Variants in ITPR3 observed in about 807,000 individuals in gnomAD.
ITPR3 encodes inositol 1,4,5-trisphosphate-gated calcium channel ITPR3.
A neutral mutation model predicts 293.2 loss-of-function variants in ITPR3; 173 were observed. The ratio of observed to expected loss-of-function variants is 0.59; its 90% CI spans 0.52 to 0.67. The LOEUF (loss-of-function observed/expected upper bound fraction) is 0.67, where lower values mean the gene tolerates loss of function less well. ITPR3 is among the 30% of genes least tolerant of loss of function. ITPR3 has a pLI of 0.00. For missense variants in ITPR3, 2,796 were observed against 3,592.1 expected (o/e 0.78, Z 5.66); for synonymous variants, 1,295 against 1,444.4 (o/e 0.90, Z 2.35).
chr6:33,690,683 C>T (rs1765364691), intron 51 of ITPR3, among the ~76,000 whole-genome samples: 1 of 152,186 alleles, frequency 6.6e-6, no homozygotes, highest in African/African-American at 2.4e-5. Context: ...CGTTTCACCC[C>T]TCGTGCCTTC....
intron 18 of ITPR3, 114 bp downstream of exon 18, chr6:33,669,270 C>A: frequency 1.8e-6 from 2 of 1,095,980 alleles, no homozygotes; most frequent in Non-Finnish European, 1.3e-6. Context: ...GGGGCTCCTG[C>A]CTCCTCAGAA....
chr6:33,682,666 C>A lies in ITPR3; in HGVS notation c.4597+22C>A. The A allele has an allele frequency of 6.3e-7, 1 of 1,586,564 alleles. No individual in the cohort carries two copies. The highest frequency in any genetic ancestry group is 1.1e-5 in the South Asian group (1 of 87,184). Reference sequence around the variant, plus strand: ...GTGGGTGAGTGTGCCGGGGCACTGGCCAGCCCCAAACCACTCCTCCTGCCG... The same window carrying A: ...GTGGGTGAGTGTGCCGGGGCACTGGACAGCCCCAAACCACTCCTCCTGCCG... On this transcript the variant is annotated intron_variant, in intron 34 of 57. Transcript: ENST00000605930. This position sits in a 1 kb window ranked among gnomAD's most constrained non-coding sequence, Gnocchi z 5.4.
chr6:33,649,337 T>A (rs1582116619), intron 2 of ITPR3, among the ~76,000 whole-genome samples: 1 of 152,366 alleles, frequency 6.6e-6, no homozygotes, highest in Middle Eastern at 3.4e-3. Context: ...GCGATTCTCC[T>A]GTCTCAGTCT....
At chr6:33,647,336 A>AT (rs1486591696) in intron 2 of ITPR3, among the ~76,000 whole-genome samples, 1 of 152,106 alleles carries the variant, frequency 6.6e-6, no homozygotes, top group African/African-American at 2.4e-5. Flanking sequence ...AAAGTCACTT[A>AT]TTTTTAATTG....
In ITPR3 at chr6:33,662,967, C is replaced by A; in HGVS notation, c.915C>A (p.Arg305=). The change falls in exon 9 of 58, where the codon CGC becomes CGA. Residue 305 remains arginine (R), a synonymous_variant. Transcript: ENST00000605930. The part of the protein sequence containing the change: ...GGAGHWNGLY[R]FKHLATGNYL... ...CTGGGCACTGGAATGGCTTGTACCG[C>A]TTCAAGCACCTGGCTACAGGCAACT... 1.9e-6 allele frequency: 3 copies of A among 1,604,398 alleles called. No homozygotes were observed. The highest frequency in any genetic ancestry group is 2.6e-6 in the Non-Finnish European group (3 of 1,175,204).
At chr6:33,668,709 T>A in intron 17 of ITPR3, 75 bp downstream of exon 17, 2 of 1,600,504 alleles carry the variant, frequency 1.2e-6, no homozygotes, top group Admixed American at 1.7e-5. Flanking sequence ...TTAGGCCCTG[T>A]CTGGGTTCAG....
In ITPR3 at chr6:33,683,509, A is replaced by C; in HGVS notation, c.4788+112A>C. 1.1e-6 allele frequency: 1 copy of C among 929,342 alleles called. No homozygotes were observed. The highest frequency in any genetic ancestry group is 1.7e-5 in the African/African-American group (1 of 58,282). The allele number at this position is 929,342 out of a possible 1,614,324, so 57.6% of individuals were successfully genotyped here. A position where few individuals can be genotyped will look rare whatever the true frequency, so the allele number is the denominator to read the frequency against. ...GAGTGTTTCTTCCTGTCCTGCCCAC[A>C]CTTCCAGGAAGGGGCTGGTTGGCTT... On this transcript the variant is annotated intron_variant, in intron 35 of 57. Transcript: ENST00000605930. This position sits in a 1 kb window ranked among gnomAD's most constrained non-coding sequence, Gnocchi z 4.5.
Position 33,689,192 on chromosome 6 carries a change from G to T in ITPR3, c.6695-46G>T, listed in dbSNP as rs2296739. The T allele has an allele frequency of 1.4e-5, 22 of 1,595,898 alleles. No homozygotes were observed. The Admixed American group carries it at 3.7e-4, about 27-fold the overall frequency. Reference sequence around the variant, plus strand: ...CACCTGTTGGACCTGCTCTGGGGCCGTGGTGGGCTTGAGGGAGCCCTGCTC... The same window carrying T: ...CACCTGTTGGACCTGCTCTGGGGCCTTGGTGGGCTTGAGGGAGCCCTGCTC... On this transcript the variant is annotated intron_variant, in intron 49 of 57. Transcript: ENST00000605930.
At chr6:33,637,266 A>G (rs544855903) in intron 1 of ITPR3, among the ~76,000 whole-genome samples, 2 of 152,264 alleles carry the variant, frequency 1.3e-5, no homozygotes, top group African/African-American at 2.4e-5. Flanking sequence ...CTGACCAAAC[A>G]GCCATAAATC....
intron 2 of ITPR3, among the ~76,000 whole-genome samples, chr6:33,647,461 AC>A (rs1204354357): frequency 6.6e-6 from 1 of 152,116 alleles, no homozygotes; most frequent in Non-Finnish European, 1.5e-5. Context: ...CCATCCACAG[AC>A]CTTTTTTCAT....
At chr6:33,661,553 C>G (rs919486141) in intron 7 of ITPR3, among the ~76,000 whole-genome samples, 3 of 152,194 alleles carry the variant, frequency 2.0e-5, no homozygotes, top group African/African-American at 7.2e-5. Flanking sequence ...CAGTGGCTGG[C>G]ACGCGGTAAG....
rs997226971 is a variant in ITPR3, at chr6:33,654,728, G to A, written c.161-1038G>A. ...ACTGCCAGAGCATTGTACAATCAGG[G>A]ACTCACACAGCTGCAGCATGAGAGG... On this transcript the variant is annotated intron_variant, in intron 2 of 57. Transcript: ENST00000605930. The surrounding 1 kb of genome is among the most constrained non-coding windows in gnomAD (Gnocchi z 4.1). 6.6e-6 allele frequency among the ~76,000 whole-genome samples: 1 copy of A among 152,142 alleles called. No homozygotes were observed. Among genetic ancestry groups the A allele is most frequent in the East Asian group, 1.9e-4 (1 of 5,188 alleles).
chr6:33,640,058 T>A (rs1330516249), intron 1 of ITPR3, among the ~76,000 whole-genome samples: 1 of 152,190 alleles, frequency 6.6e-6, no homozygotes, highest in Non-Finnish European at 1.5e-5. Context: ...TCTTTCTGAC[T>A]CTCTGTCTCC....
rs763353037 is a variant in ITPR3, at chr6:33,685,435, G to A, written c.5384G>A (p.Arg1795Gln). Residue 1795 changes from arginine to glutamine, a missense_variant, in exon 40 of 58, where the codon CGG (arginine) becomes CAG (glutamine). This residue lies in a region of ITPR3 where 704 missense variants were observed against 797.5 expected (regional missense o/e 0.88). Transcript: ENST00000605930. ...AAGGTGCTGCACGACCGCATGAAGC[G>A]GGCCCAGCAGGAGACCAAGTCCACG... The part of the protein sequence containing the change: ...FFKVLHDRMK[R>Q]AQQETKSTVA... The A allele has an allele frequency of 7.4e-6, 12 of 1,614,096 alleles. No homozygotes were observed. The highest frequency in any genetic ancestry group is 1.3e-5 in the African/African-American group (1 of 75,062).
At position 33,670,490 on chromosome 6, in the gene ITPR3, C is replaced by T. The variant is rs201113452; in HGVS notation, c.2355C>T (p.His785=). The T allele has an allele frequency of 8.1e-6, 13 of 1,613,536 alleles. No homozygotes were observed. The Admixed American group carries it at 8.3e-5, about 10-fold the overall frequency. The change falls in exon 19 of 58, where the codon CAC becomes CAT. Residue 785 remains histidine, a synonymous_variant. Transcript: ENST00000605930. The surrounding 1 kb of genome is among the most constrained non-coding windows in gnomAD (Gnocchi z 6.7). The part of the protein sequence containing the change: ...ASFCHLMLHV[H]VDRDPQELVT... Reference sequence around the variant, plus strand: ...TCTGCCACCTGATGCTGCACGTGCACGTGGACCGTGACCCCCAGGAGCTGG... The same window carrying T: ...TCTGCCACCTGATGCTGCACGTGCATGTGGACCGTGACCCCCAGGAGCTGG...
At chr6:33,644,953 T>G (rs896597765) in intron 2 of ITPR3, among the ~76,000 whole-genome samples, 1 of 151,006 alleles carries the variant, frequency 6.6e-6, no homozygotes, top group Non-Finnish European at 1.5e-5. Flanking sequence ...TATGAGCCAC[T>G]GCACCTGGCT....
intron 2 of ITPR3, among the ~76,000 whole-genome samples, chr6:33,646,053 G>T (rs1052080043): frequency 1.3e-5 from 2 of 151,954 alleles, no homozygotes; most frequent in Admixed American, 6.6e-5. Context: ...GGTCAGGCTG[G>T]TGTCGAACTC....
intron 1 of ITPR3, among the ~76,000 whole-genome samples, chr6:33,626,508 G>A (rs1481487126): frequency 6.6e-5 from 10 of 152,308 alleles, no homozygotes; most frequent in Admixed American, 6.5e-4. Context: ...AGGCTGTGAG[G>A]AAGCCTGCCT....
At chr6:33,685,590 G>A (rs775463042) in intron 40 of ITPR3, 53 bp from the exon 41 acceptor site, 3 of 1,592,970 alleles carry the variant, frequency 1.9e-6, no homozygotes, top group African/African-American at 2.7e-5. Context: ...AAGATGTGCA[G>A]GGGGGTGGCC....
Sources: allele counts gnomAD v4.1 joint callset (sites outside exome capture counted in the v4.1 genomes callset), GRCh38; gene constraint gnomAD v4.1.1; regional missense constraint gnomAD v4.1.1; non-coding constraint Gnocchi (gnomAD v3.1); transcripts MANE v1.5; gene names NCBI Gene and HGNC (gene_info 2026-07-23, HGNC 2026-07-21).